CLEC16A: variants seen among roughly 807,000 people sequenced by gnomAD.
CLEC16A encodes the protein C-type lectin domain containing 16A.
A neutral mutation model predicts 109.5 loss-of-function variants in CLEC16A; 51 were observed. That is an observed-to-expected ratio of 0.47 (90% CI 0.37 to 0.59). The LOEUF is 0.59. Ranked by LOEUF, CLEC16A falls within the 20% of genes least tolerant of loss-of-function variation. The probability of loss-of-function intolerance (pLI) is 0.00; values close to 1 mark genes in which losing one functional copy is unlikely to be tolerated. For synonymous variants in CLEC16A, 673 were observed against 564.2 expected, an observed-to-expected ratio of 1.19 and a Z score of -2.73; for missense variants, 1,339 against 1,394.0, an observed-to-expected ratio of 0.96 and a Z score of 0.63.
intron 19 of CLEC16A, among the ~76,000 whole-genome samples, chr16:11,091,089 C>A (rs955125850): frequency 1.3e-5 from 2 of 152,278 alleles, no homozygotes; most frequent in African/African-American, 4.8e-5. Context: ...CGTGAGCCAC[C>A]AAGCCTAGCC....
intron 19 of CLEC16A, chr16:11,066,629 G>C (rs1003259669): frequency 1.4e-4 from 21 of 152,250 alleles, no homozygotes; most frequent in African/African-American, 5.1e-4. Context: ...TGAGACTTCT[G>C]ACGTAACCAT....
chr16:10,959,424 C>T (rs572884629), intron 2 of CLEC16A, among the ~76,000 whole-genome samples: 30 of 152,338 alleles, frequency 2.0e-4, no homozygotes, highest in African/African-American at 7.0e-4. Context: ...TGGAGTCTTG[C>T]TCTGTCATCC....
At chr16:11,058,099 A>T (rs879348566) in intron 18 of CLEC16A, among the ~76,000 whole-genome samples, 8 of 152,216 alleles carry the variant, frequency 5.3e-5, no homozygotes, top group Non-Finnish European at 8.8e-5. Context: ...CCAGGCCCTT[A>T]TAACCCCCCT....
chr16:10,985,568 A>G (rs954960258), intron 10 of CLEC16A, among the ~76,000 whole-genome samples: 1 of 149,876 alleles, frequency 6.7e-6, no homozygotes, highest in Non-Finnish European at 1.5e-5. Flanking sequence ...TTTTAGTTGC[A>G]TGATTTCCAA....
intron 19 of CLEC16A, among the ~76,000 whole-genome samples, chr16:11,108,799 C>G (rs1413061851): frequency 6.6e-6 from 1 of 152,104 alleles, no homozygotes; most frequent in Admixed American, 6.6e-5. Flanking sequence ...GTCTTGGTGC[C>G]AGCAGCCATT....
chr16:11,099,852 C>T (rs2050810820), intron 19 of CLEC16A, among the ~76,000 whole-genome samples: 1 of 152,164 alleles, frequency 6.6e-6, no homozygotes, highest in African/African-American at 2.4e-5. Context: ...GTTTTCACCC[C>T]TGTTTACAGA....
intron 3 of CLEC16A, among the ~76,000 whole-genome samples, chr16:10,966,215 A>G (rs2042497545): frequency 6.6e-6 from 1 of 152,214 alleles, no homozygotes. Context: ...AAGAAAAAGG[A>G]AAAGGAAAGA....
chr16:11,102,552 A>C (rs770081057), intron 19 of CLEC16A, among the ~76,000 whole-genome samples: 1 of 152,222 alleles, frequency 6.6e-6, no homozygotes, highest in Non-Finnish European at 1.5e-5. Flanking sequence ...CCCTGGTATG[A>C]AATTTAGACA....
intron 22 of CLEC16A, among the ~76,000 whole-genome samples, chr16:11,155,280 G>A (rs151136501): frequency 1.1e-4 from 16 of 152,326 alleles, no homozygotes; most frequent in African/African-American, 3.8e-4. Flanking sequence ...GTGTGGTGGT[G>A]TCACTCTGCT....
intron 10 of CLEC16A, among the ~76,000 whole-genome samples, chr16:10,991,750 C>T (rs568671488): frequency 3.9e-5 from 6 of 152,224 alleles, no homozygotes; most frequent in Non-Finnish European, 8.8e-5. Flanking sequence ...GACATCCGGT[C>T]TTGGCCAGTG....
intron 19 of CLEC16A, among the ~76,000 whole-genome samples, chr16:11,114,450 C>T (rs891915004): frequency 6.6e-6 from 1 of 152,104 alleles, no homozygotes; most frequent in African/African-American, 2.4e-5. Context: ...TTGCCATGGC[C>T]ACTCCTGAGT....
chr16:10,979,265 G>A, intron 8 of CLEC16A, 64 bp from the exon 9 acceptor site: 2 of 1,481,880 alleles, frequency 1.3e-6, no homozygotes, highest in Non-Finnish European at 9.2e-7. Flanking sequence ...TTGGCTTTGT[G>A]TATTTTGTGC....
chr16:11,059,297 T>G (rs533447526), intron 18 of CLEC16A, among the ~76,000 whole-genome samples: 1 of 152,374 alleles, frequency 6.6e-6, no homozygotes, highest in Admixed American at 6.5e-5. Flanking sequence ...TTTTAAAAAC[T>G]GTTGACAATC....
intron 1 of CLEC16A, among the ~76,000 whole-genome samples, chr16:10,946,846 G>A (rs1169441201): frequency 6.6e-6 from 1 of 152,218 alleles, no homozygotes; most frequent in African/African-American, 2.4e-5. Flanking sequence ...CTAAGGTTCA[G>A]GGGGCTTCAG....
intron 22 of CLEC16A, among the ~76,000 whole-genome samples, chr16:11,132,465 C>T (rs1351183723): frequency 5.9e-5 from 9 of 152,030 alleles, no homozygotes; most frequent in Non-Finnish European, 1.3e-4. Context: ...TCCATCAATG[C>T]ACATTTGGGC....
intron 22 of CLEC16A, among the ~76,000 whole-genome samples, chr16:11,132,262 C>T (rs1038934666): frequency 1.2e-4 from 18 of 148,024 alleles, no homozygotes; most frequent in African/African-American, 4.5e-4. Flanking sequence ...CCCATCCAGC[C>T]CCTGGCATCC....
chr16:10,984,758 G>A (rs7202408), intron 10 of CLEC16A, among the ~76,000 whole-genome samples: 18,791 of 152,178 alleles, frequency 0.12, 1,150 homozygotes, highest in South Asian at 0.14. Context: ...TGTAAGTCAC[G>A]GAAGGCTGAG....
At chr16:11,148,098 C>T (rs1826911493) in intron 22 of CLEC16A, among the ~76,000 whole-genome samples, 1 of 152,094 alleles carries the variant, frequency 6.6e-6, no homozygotes, top group Admixed American at 6.5e-5. Flanking sequence ...GTGGTCTGAC[C>T]TCAGATTCAT....
In CLEC16A at chr16:11,178,312, C is replaced by T; in HGVS notation, c.2807-23C>T. 1.9e-6 allele frequency: 3 copies of T among 1,582,686 alleles called. No homozygotes were observed. The highest frequency in any genetic ancestry group is 2.6e-6 in the Non-Finnish European group (3 of 1,157,930). ...GGTGTCTCAAGGGCTCAGTGTGTTT[C>T]CGGTTTTTCTCCCCCAATCCAGATG... On this transcript the variant is annotated intron_variant, in intron 23 of 23. Coordinates refer to ENST00000409790, the MANE Select transcript of CLEC16A (RefSeq NM_015226.3). This position sits in a 1 kb window ranked among gnomAD's most constrained non-coding sequence, Gnocchi z 6.5.
Sources: allele counts gnomAD v4.1 joint callset (sites outside exome capture counted in the v4.1 genomes callset), GRCh38; gene constraint gnomAD v4.1.1; non-coding constraint Gnocchi (gnomAD v3.1); transcripts MANE v1.5; gene names NCBI Gene and HGNC (gene_info 2026-07-23, HGNC 2026-07-21).